CYP39A1: variants seen among roughly 807,000 people sequenced by gnomAD.
CYP39A1 encodes the protein 24-hydroxycholesterol 7-alpha-hydroxylase.
A neutral mutation model predicts 58.1 loss-of-function variants in CYP39A1; 49 were observed. The ratio of observed to expected loss-of-function variants is 0.84; its 90% confidence interval spans 0.67 to 1.07. The LOEUF (loss-of-function observed/expected upper bound fraction) is 1.07. CYP39A1 is among the 50% of genes least tolerant of loss of function. The probability of loss-of-function intolerance (pLI) is 0.00; values close to 1 mark genes in which losing one functional copy is unlikely to be tolerated. For missense variants in CYP39A1, 531 were observed against 539.4 expected (o/e 0.98, Z 0.16); for synonymous variants, 209 against 187.6 (o/e 1.11, Z -0.93).
At chr6:46,631,439 G>A (rs2150580858) in intron 5 of CYP39A1, among the ~76,000 whole-genome samples, 1 of 152,290 alleles carries the variant, frequency 6.6e-6, no homozygotes, top group East Asian at 1.9e-4. Flanking sequence ...TACCTAAAAA[G>A]TGCTTAAAAT....
chr6:46,569,021 G>A (rs370195965), intron 10 of CYP39A1, among the ~76,000 whole-genome samples: 1 of 151,920 alleles, frequency 6.6e-6, no homozygotes, highest in African/African-American at 2.4e-5. Context: ...AGAAACATGG[G>A]ATATGTATCT....
chr6:46,606,310 A>C (rs193218169), intron 7 of CYP39A1, among the ~76,000 whole-genome samples: 1 of 152,200 alleles, frequency 6.6e-6, no homozygotes, highest in Non-Finnish European at 1.5e-5. Context: ...TGTCAGTGTC[A>C]TGTGAGAAAA....
chr6:46,632,301 C>T (rs1413324804), intron 5 of CYP39A1, among the ~76,000 whole-genome samples: 2 of 152,098 alleles, frequency 1.3e-5, no homozygotes, highest in Non-Finnish European at 2.9e-5. Context: ...ATTGGACAGG[C>T]CAGGTGCTAG....
chr6:46,618,545 A>G (rs1774756641), intron 7 of CYP39A1, among the ~76,000 whole-genome samples: 1 of 152,056 alleles, frequency 6.6e-6, no homozygotes, highest in South Asian at 2.1e-4. Context: ...ACAAAATAAA[A>G]CCATAGGCAA....
intron 3 of CYP39A1, among the ~76,000 whole-genome samples, chr6:46,638,579 T>A (rs1776139447): frequency 6.6e-6 from 1 of 152,182 alleles, no homozygotes; most frequent in Non-Finnish European, 1.5e-5. Context: ...TTATTTACCA[T>A]CCCTTCATAA....
At chr6:46,645,592 T>C (rs1028446307) in intron 1 of CYP39A1, among the ~76,000 whole-genome samples, 5 of 152,192 alleles carry the variant, frequency 3.3e-5, no homozygotes, top group Non-Finnish European at 7.4e-5. Flanking sequence ...GCCTTGAAAT[T>C]GAGTGGAATG....
At chr6:46,629,343 G>A (rs1775511241) in intron 6 of CYP39A1, among the ~76,000 whole-genome samples, 1 of 152,180 alleles carries the variant, frequency 6.6e-6, no homozygotes, top group South Asian at 2.1e-4. Flanking sequence ...TTTGACAGGA[G>A]TGCCTGTTTT....
chr6:46,630,098 AAAAAC>A (rs1166532942), intron 6 of CYP39A1, among the ~76,000 whole-genome samples: 2 of 150,896 alleles, frequency 1.3e-5, no homozygotes, highest in Non-Finnish European at 2.9e-5. Flanking sequence ...ACCATCTCAA[AAAAAC>A]AAAACAAAAC....
chr6:46,584,036 G>A (rs958619483), intron 10 of CYP39A1, among the ~76,000 whole-genome samples: 2 of 152,054 alleles, frequency 1.3e-5, no homozygotes, highest in African/African-American at 2.4e-5. Flanking sequence ...TTACAACTAA[G>A]GATTTGTGGG....
At chr6:46,573,398 G>A (rs969421175) in intron 10 of CYP39A1, among the ~76,000 whole-genome samples, 1 of 152,166 alleles carries the variant, frequency 6.6e-6, no homozygotes, top group Non-Finnish European at 1.5e-5. Context: ...TATTTGACAG[G>A]ACTGTGGGGG....
intron 8 of CYP39A1, among the ~76,000 whole-genome samples, chr6:46,588,589 G>A (rs1352504090): frequency 1.3e-5 from 2 of 152,072 alleles, no homozygotes; most frequent in African/African-American, 4.8e-5. Context: ...CAGGGACAAT[G>A]GCCATGGTAG....
At chr6:46,628,448 T>C (rs575341752) in intron 6 of CYP39A1, among the ~76,000 whole-genome samples, 18 of 152,332 alleles carry the variant, frequency 1.2e-4, no homozygotes, top group African/African-American at 4.1e-4. Flanking sequence ...AGCTTTGTGA[T>C]TGGTTTGGAG....
chr6:46,644,914 A>G (rs982829227), intron 1 of CYP39A1, among the ~76,000 whole-genome samples: 4 of 152,234 alleles, frequency 2.6e-5, no homozygotes, highest in African/African-American at 9.6e-5. Context: ...CTTTTCGTGT[A>G]CCAATTTGAC....
chr6:46,648,027 C>G (rs938482204), intron 1 of CYP39A1, among the ~76,000 whole-genome samples: 18 of 152,066 alleles, frequency 1.2e-4, no homozygotes, highest in African/African-American at 2.2e-4. Flanking sequence ...TGCTGGAGAG[C>G]ATGTGGAGAA....
intron 4 of CYP39A1, among the ~76,000 whole-genome samples, chr6:46,637,473 GAGGAGCAC>G (rs1168905079): frequency 6.6e-6 from 1 of 152,218 alleles, no homozygotes; most frequent in Non-Finnish European, 1.5e-5. Context: ...CAGAGAGAAT[GAGGAGCAC>G]AGTGTCTGAT....
intron 10 of CYP39A1, among the ~76,000 whole-genome samples, chr6:46,559,949 C>T (rs930754773): frequency 6.6e-6 from 1 of 152,062 alleles, no homozygotes; most frequent in Admixed American, 6.5e-5. Context: ...TAAACAAAAA[C>T]AATATTCATG....
intron 4 of CYP39A1, among the ~76,000 whole-genome samples, chr6:46,637,372 A>T (rs1776054844): frequency 6.6e-6 from 1 of 152,232 alleles, no homozygotes; most frequent in African/African-American, 2.4e-5. Flanking sequence ...GAAATTTCAA[A>T]ATCATGCAGT....
intron 7 of CYP39A1, among the ~76,000 whole-genome samples, chr6:46,616,663 G>A (rs2150559874): frequency 1.3e-5 from 2 of 152,202 alleles, no homozygotes; most frequent in South Asian, 4.1e-4. Flanking sequence ...ATATTTCCAA[G>A]TTCCTAAAGC....
chr6:46,610,793 G>A (rs1774170020), intron 7 of CYP39A1, among the ~76,000 whole-genome samples: 1 of 152,116 alleles, frequency 6.6e-6, no homozygotes, highest in Admixed American at 6.5e-5. Context: ...TTCCCATCCA[G>A]GAAGGTGATA....
Sources: gnomAD v4.1 joint callset for allele counts (sites outside exome capture counted in the v4.1 genomes callset) on GRCh38, gnomAD v4.1.1 for gene constraint, MANE v1.5 for transcripts, NCBI Gene and HGNC (gene_info 2026-07-23, HGNC 2026-07-21) for gene names.